The following SAR1B variants were observed in gnomAD, a reference collection of about 807,000 sequenced individuals.
The protein encoded by SAR1B is secretion associated Ras related GTPase 1B.
A neutral mutation model predicts 26.8 loss-of-function variants in SAR1B; 23 were observed. The observed-to-expected ratio is 0.86, with a 90% confidence interval of 0.62 to 1.22. SAR1B has a LOEUF of 1.22. SAR1B is among the 50% of genes most tolerant of loss of function. The pLI is 0.00. For missense variants in SAR1B, 196 were observed against 232.8 expected (o/e 0.84, Z 1.03); for synonymous variants, 65 against 80.8 (o/e 0.80, Z 1.05).
chr5:134,621,183 T>C, intron 2 of SAR1B, 131 bp from the exon 3 acceptor site: 1 of 1,059,360 alleles, frequency 9.4e-7, no homozygotes, highest in Non-Finnish European at 1.4e-6. Context: ...TTTAAATCTA[T>C]TCATGGCCGG....
chr5:134,615,111 G>A (rs1765285649), intron 3 of SAR1B, among the ~76,000 whole-genome samples: 1 of 152,162 alleles, frequency 6.6e-6, no homozygotes, highest in South Asian at 2.1e-4. Flanking sequence ...CACTTTGGGA[G>A]GCCGAGATGG....
At position 134,622,898 on chromosome 5, in the gene SAR1B, G is replaced by A. The variant is rs112003521; in HGVS notation, c.58+1064C>T. 4.4e-3 allele frequency among the ~76,000 whole-genome samples: 662 copies of A among 150,886 alleles called. 4 individuals are homozygous for A. Among genetic ancestry groups the A allele is most frequent in the African/African-American group, 0.015 (629 of 41,148 alleles). ...GCACTTTGGGAGTCCAAGGCAGGTGGAACATTTGAGGTCAGGAGTTCGAGA... is the reference window on the plus strand; with the variant it reads ...GCACTTTGGGAGTCCAAGGCAGGTGAAACATTTGAGGTCAGGAGTTCGAGA... On this transcript the variant is annotated intron_variant, in intron 2 of 6. Coordinates refer to ENST00000402673, the MANE Select transcript of SAR1B (RefSeq NM_016103.4).
At chr5:134,625,833 G>A (rs1470889650) in intron 1 of SAR1B, 1 of 152,178 alleles carries the variant, frequency 6.6e-6, no homozygotes, top group Non-Finnish European at 1.5e-5. Context: ...AGTCCTCACT[G>A]AAGATGATTG....
At chr5:134,627,086 C>CT (rs1289969981) in intron 1 of SAR1B, among the ~76,000 whole-genome samples, 4 of 151,892 alleles carry the variant, frequency 2.6e-5, no homozygotes, top group Non-Finnish European at 5.9e-5. Context: ...AGAGTCTCGC[C>CT]TGTCGCCCAG....
At chr5:134,630,915 T>A (rs1397321977) in intron 1 of SAR1B, among the ~76,000 whole-genome samples, 2 of 143,768 alleles carry the variant, frequency 1.4e-5, no homozygotes, top group African/African-American at 5.0e-5. Context: ...TTTTTTTTTT[T>A]TTAGCAACAA....
At chr5:134,631,909 GA>G (rs1347154204) in intron 1 of SAR1B, 1 of 151,952 alleles carries the variant, frequency 6.6e-6, no homozygotes, top group Non-Finnish European at 1.5e-5. Flanking sequence ...ACTAAAAATA[GA>G]AAAGTTAGAC....
intron 3 of SAR1B, among the ~76,000 whole-genome samples, chr5:134,616,682 A>G (rs1418372483): frequency 6.6e-6 from 1 of 152,152 alleles, no homozygotes; most frequent in Non-Finnish European, 1.5e-5. Context: ...CTTCCCAGTC[A>G]ATCCCCATTT....
At chr5:134,611,473 C>T (rs1765211150) in intron 4 of SAR1B, among the ~76,000 whole-genome samples, 1 of 151,920 alleles carries the variant, frequency 6.6e-6, no homozygotes, top group Admixed American at 6.6e-5. Context: ...GTAATCCCAG[C>T]ACTTTGGGAA....
At chr5:134,630,898 T>C (rs1355336754) in intron 1 of SAR1B, among the ~76,000 whole-genome samples, 2 of 141,506 alleles carry the variant, frequency 1.4e-5, no homozygotes, top group African/African-American at 5.2e-5. Flanking sequence ...TCTTTTTTTT[T>C]TTTTTTTTTT....
intron 5 of SAR1B, chr5:134,609,098 C>CCTG (rs1274622733): frequency 4.4e-6 from 2 of 456,672 alleles, no homozygotes; most frequent in African/African-American, 4.0e-5. Flanking sequence ...GCTGACCTTG[C>CCTG]CTGCTGCTGT....
rs968032318 is a variant in SAR1B at position 134,607,201 on chromosome 5, C to T, written c.481-135G>A. ...CATGACTGTGATAAAGTCGTGGCTG[C>T]TTGGCATCCAAGCCCCATGAACACA... On this transcript the variant is annotated intron_variant, in intron 6 of 6. Coordinates refer to ENST00000402673, the MANE Select transcript of SAR1B (RefSeq NM_016103.4). The T allele has an allele frequency of 1.3e-4, 95 of 729,864 alleles. 1 individual carries two copies. The South Asian group carries it at 1.3e-3, about 10-fold the overall frequency. The allele number at this position is 729,864 out of a possible 1,614,324, so 45.2% of individuals were successfully genotyped here.
intron 2 of SAR1B, among the ~76,000 whole-genome samples, chr5:134,621,329 G>C (rs1233779032): frequency 6.6e-6 from 1 of 152,150 alleles, no homozygotes; most frequent in African/African-American, 2.4e-5. Context: ...AATTAGCCAG[G>C]TGTGGTGGCG....
intron 6 of SAR1B, among the ~76,000 whole-genome samples, chr5:134,608,153 C>T (rs991798260): frequency 6.6e-6 from 1 of 152,032 alleles, no homozygotes; most frequent in East Asian, 1.9e-4. Flanking sequence ...TAAGCACAAG[C>T]CTTAGGCATA....
chr5:134,624,631 T>TG (rs1383898333), intron 1 of SAR1B, among the ~76,000 whole-genome samples: 1 of 149,968 alleles, frequency 6.7e-6, no homozygotes, highest in Non-Finnish European at 1.5e-5. Context: ...GTGAGTTTTT[T>TG]TTTTTTTTTT....
At chr5:134,614,090 G>A (rs1012756854) in intron 3 of SAR1B, 4 of 151,978 alleles carry the variant, frequency 2.6e-5, no homozygotes, top group Non-Finnish European at 4.4e-5. Context: ...AGAATCACTT[G>A]AGCCCAGGAG....
intron 2 of SAR1B, among the ~76,000 whole-genome samples, chr5:134,622,137 C>T (rs1451295437): frequency 6.6e-6 from 1 of 152,176 alleles, no homozygotes; most frequent in African/African-American, 2.4e-5. Context: ...TAGTTTCAGG[C>T]CATCCGTTTT....
intron 2 of SAR1B, among the ~76,000 whole-genome samples, chr5:134,622,310 G>A (rs373504316): frequency 3.3e-5 from 5 of 151,474 alleles, no homozygotes; most frequent in Admixed American, 1.3e-4. Context: ...TGAGTGTCAC[G>A]AAAAAGTAAT....
rs1580641887 is a variant in SAR1B at position 134,601,634 on chromosome 5, T to G, written c.*5316A>C. On this transcript the variant is annotated 3_prime_UTR_variant, in exon 7 of 7. Transcript: ENST00000402673. ...ACAGAAACCCACGTTAAGTTGGCCA[T>G]TCTGACATGAATCTATACTTGAAAA... 1.3e-5 allele frequency: 2 copies of G among 152,236 alleles called. No homozygotes were observed. The highest frequency in any genetic ancestry group is 4.8e-5 in the African/African-American group (2 of 41,466). 9.4% of individuals were successfully genotyped at this position (152,236 alleles called of 1,614,324 possible). A position where few individuals can be genotyped will look rare whatever the true frequency, so the allele number is the denominator to read the frequency against.
intron 1 of SAR1B, among the ~76,000 whole-genome samples, chr5:134,624,820 G>C (rs1765469550): frequency 6.6e-6 from 1 of 152,018 alleles, no homozygotes; most frequent in Non-Finnish European, 1.5e-5. Flanking sequence ...TAGAGACTGG[G>C]CTTCACCGTA....
Sources: gnomAD v4.1 joint callset for allele counts (sites outside exome capture counted in the v4.1 genomes callset) on GRCh38, gnomAD v4.1.1 for gene constraint, MANE v1.5 for transcripts, NCBI Gene and HGNC (gene_info 2026-07-23, HGNC 2026-07-21) for gene names.